CHMP7: variants seen among roughly 807,000 people sequenced by gnomAD.
CHMP7 encodes charged multivesicular body protein 7.
Under a neutral mutation model 53.7 loss-of-function variants are expected in CHMP7, and 15 were observed. That is an observed-to-expected ratio of 0.28 (90% confidence interval 0.19 to 0.43). CHMP7 has a LOEUF of 0.43. Ranked by LOEUF, CHMP7 falls within the 20% of genes least tolerant of loss-of-function variation. CHMP7 has a pLI of 1.00. For missense variants in CHMP7, 527 were observed against 569.4 expected (o/e 0.93, Z 0.76); for synonymous variants, 261 against 228.0 (o/e 1.14, Z -1.30).
chr8:23,253,388 A>G (rs1225955251), intron 3 of CHMP7, among the ~76,000 whole-genome samples: 1 of 152,128 alleles, frequency 6.6e-6, no homozygotes, highest in African/African-American at 2.4e-5. Context: ...GGTTCAAGCA[A>G]TTCTCCTGCC....
chr8:23,260,427 C>T (rs1802341198), intron 10 of CHMP7, 104 bp downstream of exon 10: 1 of 1,525,918 alleles, frequency 6.6e-7, no homozygotes, highest in African/African-American at 1.4e-5. Context: ...TACCAGAGCC[C>T]TGTAGGGAGT....
intron 5 of CHMP7, among the ~76,000 whole-genome samples, chr8:23,256,931 T>C (rs1802156905): frequency 6.6e-6 from 1 of 151,300 alleles, no homozygotes; most frequent in East Asian, 2.0e-4. Flanking sequence ...TAGCTGGTAC[T>C]ACAGCCACCC....
chr8:23,246,741 C>G lies in CHMP7; in HGVS notation c.46C>G (p.Pro16Ala). The G allele has an allele frequency of 1.9e-6, 3 of 1,551,916 alleles. No homozygotes were observed. The highest frequency in any genetic ancestry group is 2.6e-6 in the Non-Finnish European group (3 of 1,148,066). ...REAEAPAGGD[P>A]AGLLPPEWEE... ...GGCCGAGGCCCCAGCCGGGGGAGAC[C>G]CGGCGGGCCTTCTGCCCCCCGAGTG... Residue 16 changes from proline (P) to alanine (A), a missense_variant, in exon 2 of 11, where the codon CCG becomes GCG. Transcript: ENST00000397677.
intron 10 of CHMP7, 45 bp downstream of exon 10, chr8:23,260,368 T>A: frequency 6.2e-7 from 1 of 1,602,500 alleles, no homozygotes; most frequent in Non-Finnish European, 8.5e-7. Context: ...TATGGCCTTC[T>A]GGCTGACAGA....
At chr8:23,247,863 T>C (rs76803354) in intron 2 of CHMP7, 5 of 356,754 alleles carry the variant, frequency 1.4e-5, no homozygotes, top group Non-Finnish European at 2.8e-5. Flanking sequence ...CCTAGCGTGA[T>C]ACCTCTCTCA....
intron 4 of CHMP7, 73 bp downstream of exon 4, chr8:23,255,505 C>A: frequency 6.8e-7 from 1 of 1,473,782 alleles, no homozygotes. Context: ...GAGCCCTTAT[C>A]TCAGATTTTG....
At chr8:23,252,195 C>CTTTT (rs373288680) in intron 3 of CHMP7, among the ~76,000 whole-genome samples, 46 of 105,308 alleles carry the variant, frequency 4.4e-4, no homozygotes, top group Middle Eastern at 8.5e-3. Context: ...ATTGTGTTAT[C>CTTTT]TTTTTTTTTT....
chr8:23,253,523 G>A (rs930259923), intron 3 of CHMP7, among the ~76,000 whole-genome samples: 1 of 152,164 alleles, frequency 6.6e-6, no homozygotes, highest in Non-Finnish European at 1.5e-5. Flanking sequence ...CTGATCTCAG[G>A]TGATCCACCC....
chr8:23,248,724 G>C lies in CHMP7; in HGVS notation c.300-486G>C, dbSNP rs147573690. On this transcript the variant is annotated intron_variant, in intron 2 of 10. Transcript: ENST00000397677. Reference sequence around the variant, plus strand: ...TTACTGTTACCAGCACCACCAAATAGTTACATCGTATCCTCACCCTTGCCT... The same window carrying C: ...TTACTGTTACCAGCACCACCAAATACTTACATCGTATCCTCACCCTTGCCT... 3.3e-4 allele frequency among the ~76,000 whole-genome samples: 51 copies of C among 152,292 alleles called. 1 individual carries two copies. The East Asian group carries it at 9.3e-3, about 28-fold the overall frequency.
At chr8:23,256,785 G>GCC in intron 5 of CHMP7, 192 bp downstream of exon 5, 1 of 254,640 alleles carries the variant, frequency 3.9e-6, no homozygotes, top group East Asian at 7.0e-5. Flanking sequence ...AAAAAATGAG[G>GCC]CCTCTTTTTT....
In CHMP7 at chr8:23,246,526, C is replaced by T; in HGVS notation, c.-170C>T. 1 of 621,220 alleles carries T rather than the reference C, an allele frequency of 1.6e-6. No individual in the cohort carries two copies. Among genetic ancestry groups the T allele is most frequent in the East Asian group, 2.8e-5 (1 of 36,062 alleles). 38.5% of individuals were successfully genotyped at this position (621,220 alleles called of 1,614,324 possible). A position where few individuals can be genotyped will look rare whatever the true frequency, so the allele number is the denominator to read the frequency against. On this transcript the variant is annotated 5_prime_UTR_variant, in exon 2 of 11. Transcript: ENST00000397677. Reference sequence around the variant, plus strand: ...ATACTGCCTCCTGGCTGACGGAGCGCAGCGCAACGCATGCGCCTTGAAGAC... The same window carrying T: ...ATACTGCCTCCTGGCTGACGGAGCGTAGCGCAACGCATGCGCCTTGAAGAC...
intron 2 of CHMP7, 21 bp downstream of exon 2, chr8:23,247,015 A>G (rs1411416289): frequency 2.1e-6 from 3 of 1,433,006 alleles, no homozygotes; most frequent in Non-Finnish European, 1.8e-6. Flanking sequence ...GGCTGGGGCC[A>G]GGGCCGCGAG....
chr8:23,260,652 T>C lies in CHMP7; in HGVS notation c.*53T>C. 7.5e-7 allele frequency: 1 copy of C among 1,324,680 alleles called. No individual in the cohort carries two copies. The highest frequency in any genetic ancestry group is 1.4e-5 in the African/African-American group (1 of 69,322). The allele number at this position is 1,324,680 out of a possible 1,614,324, so 82.1% of individuals were successfully genotyped here. A position where few individuals can be genotyped will look rare whatever the true frequency, so the allele number is the denominator to read the frequency against. On this transcript the variant is annotated 3_prime_UTR_variant, in exon 11 of 11. Coordinates refer to ENST00000397677, the MANE Select transcript of CHMP7 (RefSeq NM_152272.5). ...AAAGAGAGACCAGGCTTGCTGGGTG[T>C]GTACATAGTTATTTAAACAAGAAAC...
intron 3 of CHMP7, among the ~76,000 whole-genome samples, chr8:23,252,909 A>C (rs547069170): frequency 1.4e-4 from 22 of 152,190 alleles, no homozygotes; most frequent in Non-Finnish European, 2.8e-4. Flanking sequence ...CAGTGGTTGC[A>C]TATCTGGTAG....
At position 23,246,983 on chromosome 8, in the gene CHMP7, G is replaced by C. The variant is rs1801724083; in HGVS notation, c.288G>C (p.Gln96His). ...CGCTGGGGCTGGCCACGGTGCTGCA[G>C]GACCTGCTGCGGTGAGGGGCGGGCT... The part of the protein sequence containing the change: ...SVPLGLATVL[Q>H]DLLRRGELQR... The change falls in exon 2 of 11, where the codon CAG (glutamine) becomes CAC (histidine). Residue 96 changes from glutamine to histidine, a missense_variant. By Grantham distance (24) the Gln-to-His change is conservative (BLOSUM62 0). Coordinates refer to ENST00000397677, the MANE Select transcript of CHMP7 (RefSeq NM_152272.5). 2.6e-6 allele frequency: 4 copies of C among 1,535,454 alleles called. No individual in the cohort carries two copies. In the African/African-American group the frequency reaches 4.1e-5, roughly 16 times the overall value.
intron 4 of CHMP7, among the ~76,000 whole-genome samples, chr8:23,256,130 C>T (rs182862515): frequency 9.9e-4 from 151 of 152,266 alleles, no homozygotes; most frequent in Middle Eastern, 3.4e-3. Flanking sequence ...CAAAGAGAAG[C>T]GGTCAAGTGC....
At chr8:23,258,174 A>AG (rs912936110) in intron 6 of CHMP7, 93 bp downstream of exon 6, 67 of 1,430,700 alleles carry the variant, frequency 4.7e-5, no homozygotes, top group Non-Finnish European at 6.3e-5. Context: ...TGGGGTTTTG[A>AG]GGGGGGTAGA....
intron 2 of CHMP7, 27 bp from the exon 3 acceptor site, chr8:23,249,183 A>G (rs753409318): frequency 6.5e-7 from 1 of 1,548,544 alleles, no homozygotes; most frequent in Admixed American, 2.0e-5. Context: ...AAGTGCTACT[A>G]CACGCCCTTC....
chr8:23,257,328 G>A (rs1007849790), intron 5 of CHMP7, among the ~76,000 whole-genome samples: 1 of 150,986 alleles, frequency 6.6e-6, no homozygotes, highest in South Asian at 2.1e-4. Flanking sequence ...ACTCCTCGGC[G>A]CAAACAAGAC....
Sources: gnomAD v4.1 joint callset for allele counts (sites outside exome capture counted in the v4.1 genomes callset) on GRCh38, gnomAD v4.1.1 for gene constraint, MANE v1.5 for transcripts, NCBI Gene and HGNC (gene_info 2026-07-23, HGNC 2026-07-21) for gene names.